The following KCNJ3 variants were observed in gnomAD, a reference collection of about 807,000 sequenced individuals.
KCNJ3 encodes G protein-activated inward rectifier potassium channel 1.
A neutral mutation model predicts 39.2 loss-of-function variants in KCNJ3; 4 were observed. The ratio of observed to expected loss-of-function variants is 0.10; its 90% CI spans 0.05 to 0.23. The LOEUF (loss-of-function observed/expected upper bound fraction) is 0.23. Among genes scored for constraint, KCNJ3 ranks in the 10% least tolerant of loss-of-function variants. The probability of loss-of-function intolerance (pLI) is 1.00; values close to 1 mark genes in which losing one functional copy is unlikely to be tolerated. For synonymous variants in KCNJ3, 230 were observed against 237.4 expected, an observed-to-expected ratio of 0.97 and a Z score of 0.29; for missense variants, 276 against 634.9, an observed-to-expected ratio of 0.43 and a Z score of 6.08.
At chr2:154,791,218 A>G (rs1686625834) in intron 2 of KCNJ3, among the ~76,000 whole-genome samples, 1 of 151,954 alleles carries the variant, frequency 6.6e-6, no homozygotes, top group Non-Finnish European at 1.5e-5. Context: ...AGAATTGCTT[A>G]TTAATTAATT....
intron 2 of KCNJ3, among the ~76,000 whole-genome samples, chr2:154,817,129 C>T (rs540119922): frequency 6.6e-6 from 1 of 152,122 alleles, no homozygotes; most frequent in Admixed American, 6.6e-5. Context: ...CCTTTTCTTC[C>T]CCCTGATAAT....
intron 2 of KCNJ3, among the ~76,000 whole-genome samples, chr2:154,829,238 C>T (rs1002705376): frequency 1.3e-5 from 2 of 152,072 alleles, no homozygotes; most frequent in Non-Finnish European, 2.9e-5. Context: ...AGATAATGAG[C>T]GTAGTACCCA....
At chr2:154,758,402 A>T (rs2105186853) in intron 2 of KCNJ3, among the ~76,000 whole-genome samples, 1 of 152,298 alleles carries the variant, frequency 6.6e-6, no homozygotes, top group Non-Finnish European at 1.5e-5. Flanking sequence ...GTGGGTGCTG[A>T]AGTTTCTGAT....
At chr2:154,751,618 A>G (rs934012707) in intron 2 of KCNJ3, among the ~76,000 whole-genome samples, 5 of 152,090 alleles carry the variant, frequency 3.3e-5, no homozygotes, top group African/African-American at 1.2e-4. Context: ...CAATTAAATA[A>G]TTATATCCTC....
intron 2 of KCNJ3, among the ~76,000 whole-genome samples, chr2:154,711,019 AACTGAAGCACTATTATTAGTT>A (rs1243520579): frequency 3.9e-5 from 6 of 152,230 alleles, no homozygotes; most frequent in African/African-American, 1.2e-4. Flanking sequence ...TAGTATTTTA[AACTGAAGCACTATTATTAGTT>A]ACTGAAGCAC....
chr2:154,699,847 C>T lies in KCNJ3; in HGVS notation c.702+370C>T, dbSNP rs1036046436. Among the ~76,000 whole-genome samples the T allele has an allele frequency of 2.0e-5, 3 of 152,160 alleles. No individual in the cohort carries two copies. Among genetic ancestry groups the T allele is most frequent in the Non-Finnish European group, 4.4e-5 (3 of 68,028 alleles). On this transcript the variant is annotated intron_variant, in intron 1 of 2. Coordinates refer to ENST00000295101, the MANE Select transcript of KCNJ3 (RefSeq NM_002239.4). The surrounding 1 kb of genome is among the most constrained non-coding windows in gnomAD (Gnocchi z 6.4). ...GATTTTATTTGTTGTCTACACACTA[C>T]CCCATTCAATGCGAGGTACTAGAAC...
chr2:154,810,046 A>G (rs1466416994), intron 2 of KCNJ3, among the ~76,000 whole-genome samples: 1 of 120,076 alleles, frequency 8.3e-6, no homozygotes. Context: ...CGGTTCTAAC[A>G]ATGATTAATA....
intron 2 of KCNJ3, among the ~76,000 whole-genome samples, chr2:154,723,682 T>C (rs1052189056): frequency 6.6e-6 from 1 of 152,192 alleles, no homozygotes; most frequent in Non-Finnish European, 1.5e-5. Context: ...TTTAGCTTTG[T>C]AAAAAATGCT....
intron 2 of KCNJ3, among the ~76,000 whole-genome samples, chr2:154,825,287 A>G (rs1687249978): frequency 6.6e-6 from 1 of 152,106 alleles, no homozygotes; most frequent in Non-Finnish European, 1.5e-5. Context: ...AGTGCCTGTG[A>G]TGGAATTATC....
intron 2 of KCNJ3, among the ~76,000 whole-genome samples, chr2:154,853,826 A>C (rs542165126): frequency 3.2e-4 from 48 of 152,322 alleles, no homozygotes; most frequent in African/African-American, 1.1e-3. Flanking sequence ...CCATGAGGCA[A>C]ATGATATCCA....
chr2:154,803,352 T>A (rs563578025), intron 2 of KCNJ3, among the ~76,000 whole-genome samples: 1 of 151,960 alleles, frequency 6.6e-6, no homozygotes, highest in Admixed American at 6.6e-5. Flanking sequence ...TTTTAAAAAA[T>A]AAGAATTGGA....
At chr2:154,851,269 C>T (rs576041342) in intron 2 of KCNJ3, among the ~76,000 whole-genome samples, 1 of 152,206 alleles carries the variant, frequency 6.6e-6, no homozygotes, top group South Asian at 2.1e-4. Flanking sequence ...ATCTCATAGC[C>T]AGTGACTTTT....
intron 1 of KCNJ3, among the ~76,000 whole-genome samples, chr2:154,707,985 C>A (rs1293790268): frequency 6.6e-6 from 1 of 152,044 alleles, no homozygotes; most frequent in Non-Finnish European, 1.5e-5. Flanking sequence ...CTTTTGGGAG[C>A]TTTTTCATGC....
intron 2 of KCNJ3, among the ~76,000 whole-genome samples, chr2:154,772,229 GT>G (rs1686255831): frequency 6.6e-6 from 1 of 152,082 alleles, no homozygotes; most frequent in East Asian, 1.9e-4. Context: ...TTTACTAACT[GT>G]TTTGCAAAAA....
chr2:154,759,089 C>A (rs1208414439), intron 2 of KCNJ3, among the ~76,000 whole-genome samples: 1 of 152,156 alleles, frequency 6.6e-6, no homozygotes. Context: ...ACAGATGGTA[C>A]TTCTAATCCT....
intron 2 of KCNJ3, among the ~76,000 whole-genome samples, chr2:154,785,894 T>G (rs1384428984): frequency 1.3e-5 from 2 of 152,178 alleles, no homozygotes; most frequent in African/African-American, 4.8e-5. Context: ...AGTGACATTC[T>G]GACATACTGG....
At chr2:154,845,574 A>G (rs1304875169) in intron 2 of KCNJ3, among the ~76,000 whole-genome samples, 1 of 152,222 alleles carries the variant, frequency 6.6e-6, no homozygotes, top group African/African-American at 2.4e-5. Context: ...CTTTCATTCT[A>G]TAATTAACAA....
intron 2 of KCNJ3, among the ~76,000 whole-genome samples, chr2:154,836,934 A>T (rs967332861): frequency 1.5e-4 from 23 of 152,230 alleles, no homozygotes; most frequent in African/African-American, 5.3e-4. Flanking sequence ...CTATGTAAAG[A>T]GTAAGACTCA....
intron 2 of KCNJ3, among the ~76,000 whole-genome samples, chr2:154,761,062 C>CTTTTTTTTTTTTTT: frequency 7.5e-6 from 1 of 133,938 alleles, no homozygotes; most frequent in Non-Finnish European, 1.6e-5. Flanking sequence ...TTAATTTTTT[C>CTTTTTTTTTTTTTT]TTTTTTTTTT....
Sources: gnomAD v4.1 joint callset for allele counts (sites outside exome capture counted in the v4.1 genomes callset) on GRCh38, gnomAD v4.1.1 for gene constraint, Gnocchi (gnomAD v3.1) non-coding constraint, MANE v1.5 for transcripts, NCBI Gene and HGNC (gene_info 2026-07-23, HGNC 2026-07-21) for gene names.